Variants in PCNX2 observed in about 807,000 individuals in gnomAD.
The protein encoded by PCNX2 is pecanex-like protein 2.
PCNX2 carries 168 observed loss-of-function variants against 223.8 expected under a neutral mutation model. The observed-to-expected ratio is 0.75, with a 90% CI of 0.66 to 0.85. The LOEUF (loss-of-function observed/expected upper bound fraction) is 0.85, where lower values mean the gene tolerates loss of function less well. Ranked by LOEUF, PCNX2 falls within the 40% of genes least tolerant of loss-of-function variation. The pLI, the probability that PCNX2 is intolerant of heterozygous loss-of-function variation, is 0.00. For missense variants in PCNX2, 2,507 were observed against 2,675.5 expected, an observed-to-expected ratio of 0.94 and a Z score of 1.39; for synonymous variants, 1,006 against 1,052.6, an observed-to-expected ratio of 0.96 and a Z score of 0.86.
intron 19 of PCNX2, among the ~76,000 whole-genome samples, chr1:233,156,861 T>C (rs565010086): frequency 5.1e-4 from 77 of 152,228 alleles, no homozygotes; most frequent in African/African-American, 1.8e-3. Flanking sequence ...GAGGTTGCAG[T>C]GAGCCGAGAT....
chr1:233,139,759 G>A lies in PCNX2; in HGVS notation c.3614C>T (p.Thr1205Ile). The A allele has an allele frequency of 6.2e-7, 1 of 1,610,882 alleles. No homozygotes were observed. Among genetic ancestry groups the A allele is most frequent in the Non-Finnish European group, 8.5e-7 (1 of 1,178,394 alleles). Reference sequence around the variant, plus strand: ...ATTGCTTATTAAAAATGCATCAATAGTGAGGGCATTCAAAATTAGCGCTGG... The same window carrying A: ...ATTGCTTATTAAAAATGCATCAATAATGAGGGCATTCAAAATTAGCGCTGG... Reference protein sequence around the residue: ...LYPALILNALTIDAFLISNHR... With the variant: ...LYPALILNALIIDAFLISNHR... Residue 1205 changes from threonine (T) to isoleucine (I), a missense_variant, in exon 20 of 34, where the codon ACT (threonine) becomes ATT (isoleucine). By Grantham distance (89) the Thr-to-Ile change is moderately conservative. Coordinates refer to ENST00000258229, the MANE Select transcript of PCNX2 (RefSeq NM_014801.4). This position sits in a 1 kb window ranked among gnomAD's most constrained non-coding sequence, Gnocchi z 4.4.
chr1:233,159,621 C>T (rs1040301924), intron 19 of PCNX2, among the ~76,000 whole-genome samples: 3 of 152,194 alleles, frequency 2.0e-5, no homozygotes, highest in Non-Finnish European at 4.4e-5. Flanking sequence ...AAGCACAGAA[C>T]AGGGAATTAC....
chr1:233,308,383 C>G, the PCNX2 span, among the ~76,000 whole-genome samples: 1 of 151,958 alleles, frequency 6.6e-6, no homozygotes, highest in East Asian at 1.9e-4. Context: ...TGCTTGAATC[C>G]AGGAGGCGGA....
chr1:233,050,802 A>C (rs1230007889), intron 25 of PCNX2, among the ~76,000 whole-genome samples: 3 of 152,032 alleles, frequency 2.0e-5, no homozygotes, highest in Admixed American at 6.6e-5. Context: ...AAGCAATTGC[A>C]AAAAAACAAA....
intron 19 of PCNX2, among the ~76,000 whole-genome samples, chr1:233,148,401 C>T (rs1018477301): frequency 1.3e-5 from 2 of 151,622 alleles, no homozygotes; most frequent in African/African-American, 4.8e-5. Flanking sequence ...TGCATATTGA[C>T]AGGATATTAA....
chr1:233,001,506 A>G lies in PCNX2; in HGVS notation c.5097+31T>C, dbSNP rs1226639888. 3.4e-5 allele frequency: 40 copies of G among 1,180,462 alleles called. 1 individual carries two copies. The highest frequency in any genetic ancestry group is 4.2e-5 in the Non-Finnish European group (39 of 931,282). 73.1% of individuals were successfully genotyped at this position (1,180,462 alleles called of 1,614,324 possible). ...TAAATAAATAAATAAATAAATAAAT[A>G]AATAAATAAATAAATAAAATAGGTT... On this transcript the variant is annotated intron_variant, in intron 29 of 33. Transcript: ENST00000258229. This position sits in a 1 kb window ranked among gnomAD's most constrained non-coding sequence, Gnocchi z 4.2.
intron 21 of PCNX2, among the ~76,000 whole-genome samples, chr1:233,128,192 T>C (rs917910686): frequency 1.3e-5 from 2 of 152,220 alleles, no homozygotes; most frequent in Non-Finnish European, 2.9e-5. Flanking sequence ...CATGTTGAAC[T>C]AATGGCCTGT....
chr1:233,153,849 A>C (rs116409264), intron 19 of PCNX2, among the ~76,000 whole-genome samples: 4,255 of 152,240 alleles, frequency 0.028, 191 homozygotes, highest in African/African-American at 0.095. Context: ...AATACTATGT[A>C]TTATTTTGAT....
intron 23 of PCNX2, among the ~76,000 whole-genome samples, chr1:233,073,605 CTTATTA>C (rs543473919): frequency 6.6e-6 from 1 of 150,880 alleles, no homozygotes; most frequent in Non-Finnish European, 1.5e-5. Context: ...TAATATCTTT[CTTATTA>C]TTATTATTAT....
At chr1:233,275,222 T>A (rs577577492) in intron 1 of PCNX2, among the ~76,000 whole-genome samples, 45 of 152,284 alleles carry the variant, frequency 3.0e-4, no homozygotes, top group African/African-American at 1.1e-3. Flanking sequence ...TACTGTCTCT[T>A]TGATGGAGTC....
intron 19 of PCNX2, among the ~76,000 whole-genome samples, chr1:233,145,635 A>T (rs1419039701): frequency 1.3e-5 from 2 of 152,078 alleles, no homozygotes; most frequent in African/African-American, 4.8e-5. Flanking sequence ...CCCTGCTTCC[A>T]ATACAGTCAC....
At chr1:233,077,827 A>G (rs1461764924) in intron 23 of PCNX2, among the ~76,000 whole-genome samples, 2 of 146,466 alleles carry the variant, frequency 1.4e-5, no homozygotes, top group Non-Finnish European at 3.0e-5. Flanking sequence ...CATTTAAAAA[A>G]TCATGAAAGG....
Position 233,263,110 on chromosome 1 carries a change from T to C in PCNX2, c.207A>G (p.Ile69Met), listed in dbSNP as rs375967508. Residue 69 changes from isoleucine to methionine, a missense_variant, in exon 2 of 34, where the codon ATA (isoleucine) becomes ATG (methionine). Transcript: ENST00000258229. ...TGACCAGTTTGATTATTGTGAAGAA[T>C]ATAGTCACTGCACTGCAGTAGAAAA... ...IVFFYCSAVTIFFTIIKLVSY... is the reference protein window; with the variant it reads ...IVFFYCSAVTMFFTIIKLVSY... 45 of 1,613,180 alleles carry C rather than the reference T, an allele frequency of 2.8e-5. No homozygotes were observed. Among genetic ancestry groups the C allele is most frequent in the Non-Finnish European group, 3.6e-5 (42 of 1,179,484 alleles).
intron 33 of PCNX2, chr1:232,985,004 A>C (rs2102771020): frequency 6.6e-6 from 1 of 152,444 alleles, no homozygotes; most frequent in African/African-American, 2.4e-5. Flanking sequence ...TACTTTGTAC[A>C]TTTTTATTGA....
intron 9 of PCNX2, among the ~76,000 whole-genome samples, chr1:233,233,891 C>T (rs776432626): frequency 2.0e-5 from 3 of 152,024 alleles, no homozygotes; most frequent in Admixed American, 1.3e-4. Context: ...TTGGCCAGGT[C>T]GTTTCTCTGT....
the PCNX2 span, among the ~76,000 whole-genome samples, chr1:233,302,486 T>A: frequency 6.6e-6 from 1 of 151,982 alleles, no homozygotes; most frequent in Non-Finnish European, 1.5e-5. Flanking sequence ...AAAGAAAAAA[T>A]TTCAGCTTTT....
chr1:233,115,674 T>A (rs190566445), intron 21 of PCNX2, among the ~76,000 whole-genome samples: 14 of 152,236 alleles, frequency 9.2e-5, no homozygotes, highest in Non-Finnish European at 1.8e-4. Context: ...ATAACATAGA[T>A]GTTGGAATTA....
chr1:233,112,717 T>TC, intron 21 of PCNX2: 35 of 684,004 alleles, frequency 5.1e-5, no homozygotes, highest in South Asian at 3.9e-4. Flanking sequence ...CTTTGAACAA[T>TC]ATAACTAAAT....
chr1:233,018,204 T>A (rs1670752904), intron 26 of PCNX2, among the ~76,000 whole-genome samples: 1 of 151,834 alleles, frequency 6.6e-6, no homozygotes, highest in South Asian at 2.1e-4. Flanking sequence ...TTAGTTTTTT[T>A]TTTTTGTAGA....
Sources: gnomAD v4.1 joint callset for allele counts (sites outside exome capture counted in the v4.1 genomes callset) on GRCh38, gnomAD v4.1.1 for gene constraint, Gnocchi (gnomAD v3.1) non-coding constraint, MANE v1.5 for transcripts, NCBI Gene and HGNC (gene_info 2026-07-23, HGNC 2026-07-21) for gene names.